Variants in NEDD8 observed in about 807,000 individuals in gnomAD.
The protein encoded by NEDD8 is NEDD8 ubiquitin like modifier, also known as ubiquitin-like protein NEDD8.
In NEDD8, 1 loss-of-function variant was observed where a neutral mutation model predicts 13.8. The ratio of observed to expected loss-of-function variants is 0.07; its 90% CI spans 0.03 to 0.34. The LOEUF (loss-of-function observed/expected upper bound fraction) is 0.34, where lower values mean the gene tolerates loss of function less well. Among genes scored for constraint, NEDD8 ranks in the 10% least tolerant of loss-of-function variants. The pLI is 0.99. For synonymous variants in NEDD8, 31 were observed against 33.2 expected (o/e 0.93, Z 0.23); for missense variants, 10 against 95.2 (o/e 0.10, Z 3.73).
At chr14:24,217,951 T>C (rs991026769) in intron 3 of NEDD8, 182 bp downstream of exon 3, 2 of 552,460 alleles carry the variant, frequency 3.6e-6, no homozygotes, top group Non-Finnish European at 6.2e-6. Context: ...TAATTCTATA[T>C]ATTTTGTTTT....
At chr14:24,225,148 G>A (rs2138896893) in intron 1 of NEDD8, among the ~76,000 whole-genome samples, 1 of 148,770 alleles carries the variant, frequency 6.7e-6, no homozygotes, top group East Asian at 2.0e-4. Context: ...CTCCAGCCTG[G>A]GTGACAGAGC....
intron 1 of NEDD8, among the ~76,000 whole-genome samples, chr14:24,219,233 G>A (rs984650341): frequency 2.0e-5 from 3 of 151,736 alleles, no homozygotes; most frequent in Non-Finnish European, 4.4e-5. Flanking sequence ...AGACTGAGGC[G>A]GGAGGATCAC....
chr14:24,231,944 C>T, intron 1 of NEDD8: 1 of 382,854 alleles, frequency 2.6e-6, no homozygotes. Flanking sequence ...GCTAGGCCTT[C>T]TCTATGACTG....
At chr14:24,232,054 G>C in intron 1 of NEDD8, 196 bp downstream of exon 1, 1 of 752,194 alleles carries the variant, frequency 1.3e-6, no homozygotes, top group South Asian at 2.0e-5. Flanking sequence ...CCCCAGGGTC[G>C]TCAGGTGGGA....
intron 1 of NEDD8, among the ~76,000 whole-genome samples, chr14:24,224,525 C>T (rs1440974727): frequency 2.0e-5 from 3 of 152,172 alleles, no homozygotes; most frequent in African/African-American, 7.2e-5. Context: ...TAATTAAAAT[C>T]AAGTACAATC....
intron 1 of NEDD8, among the ~76,000 whole-genome samples, chr14:24,219,847 G>T (rs958273518): frequency 6.6e-6 from 1 of 152,062 alleles, no homozygotes; most frequent in Non-Finnish European, 1.5e-5. Context: ...TTAAATGTAA[G>T]ATCTCCTCCT....
rs2039803405 is a variant in NEDD8 at position 24,221,257 on chromosome 14, TTC to T, written c.19-2828_19-2827del. On this transcript the variant is annotated intron_variant, in intron 1 of 3. Transcript: ENST00000250495. The stretch of plus-strand genomic sequence containing the variant: ...AAAAGACAAAATAAAAAGTTTGTAA[TTC>T]TGTGTTGTCCACAAATTATTTCACT... Among the ~76,000 whole-genome samples the T allele has an allele frequency of 2.0e-5, 3 of 152,086 alleles. No homozygotes were observed. In the South Asian group the frequency reaches 6.2e-4, roughly 32 times the overall value.
chr14:24,220,284 A>T (rs2138884982), intron 1 of NEDD8, among the ~76,000 whole-genome samples: 1 of 152,344 alleles, frequency 6.6e-6, no homozygotes, highest in East Asian at 1.9e-4. Context: ...TGATGATCAT[A>T]TTATAATCAC....
intron 1 of NEDD8, among the ~76,000 whole-genome samples, chr14:24,224,707 A>ATGACT (rs1437184035): frequency 6.6e-6 from 1 of 152,236 alleles, no homozygotes; most frequent in Non-Finnish European, 1.5e-5. Context: ...TATCTAGGAA[A>ATGACT]TGACTAACAT....
At chr14:24,222,398 C>T (rs369380383) in intron 1 of NEDD8, among the ~76,000 whole-genome samples, 28 of 152,200 alleles carry the variant, frequency 1.8e-4, no homozygotes, top group African/African-American at 6.5e-4. Context: ...CTCCAAAAAG[C>T]TTGGAAGGGT....
chr14:24,229,289 G>C (rs1356111255), intron 1 of NEDD8, among the ~76,000 whole-genome samples: 2 of 152,188 alleles, frequency 1.3e-5, no homozygotes, highest in African/African-American at 4.8e-5. Context: ...GCACGATCTT[G>C]GCTCACTGCA....
chr14:24,225,027 C>T (rs1313696663), intron 1 of NEDD8, among the ~76,000 whole-genome samples: 4 of 151,926 alleles, frequency 2.6e-5, no homozygotes, highest in Admixed American at 6.6e-5. Flanking sequence ...GGCATGGTGG[C>T]GCATGCCTGT....
At chr14:24,218,558 C>A in intron 1 of NEDD8, 127 bp from the exon 2 acceptor site, 1 of 1,342,720 alleles carries the variant, frequency 7.4e-7, no homozygotes, top group South Asian at 1.2e-5. Flanking sequence ...AGCAGCACTG[C>A]TTTGGAGAAT....
At chr14:24,221,711 T>C (rs187153962) in intron 1 of NEDD8, among the ~76,000 whole-genome samples, 34 of 151,916 alleles carry the variant, frequency 2.2e-4, no homozygotes, top group Admixed American at 8.5e-4. Flanking sequence ...AATTCTCCTA[T>C]CTCAGCCTCC....
At chr14:24,217,811 A>G (rs769351558) in intron 3 of NEDD8, 4 of 238,040 alleles carry the variant, frequency 1.7e-5, no homozygotes, top group Non-Finnish European at 3.2e-5. Context: ...TATCTTGAAA[A>G]TATTTCAAAA....
intron 3 of NEDD8, chr14:24,217,753 CTTG>C (rs1266728435): frequency 5.4e-6 from 1 of 183,554 alleles, no homozygotes; most frequent in African/African-American, 2.4e-5. Flanking sequence ...ATATAGGTAA[CTTG>C]TTAACAATAG....
At chr14:24,218,490 G>C in intron 1 of NEDD8, 59 bp from the exon 2 acceptor site, 1 of 1,612,944 alleles carries the variant, frequency 6.2e-7, no homozygotes, top group Non-Finnish European at 8.5e-7. Flanking sequence ...TGTCTTCTAG[G>C]TAAAACATCC....
intron 2 of NEDD8, 50 bp from the exon 3 acceptor site, chr14:24,218,265 G>C: frequency 1.2e-6 from 2 of 1,613,892 alleles, no homozygotes; most frequent in Non-Finnish European, 1.7e-6. Context: ...TAGGACCATG[G>C]AAACGGAAAG....
At chr14:24,232,001 G>T in intron 1 of NEDD8, 1 of 527,092 alleles carries the variant, frequency 1.9e-6, no homozygotes, top group South Asian at 2.8e-5. Flanking sequence ...CCCCATTCTG[G>T]GTGATAGCAC....
Sources: gnomAD v4.1 joint callset for allele counts (sites outside exome capture counted in the v4.1 genomes callset) on GRCh38, gnomAD v4.1.1 for gene constraint, MANE v1.5 for transcripts, NCBI Gene and HGNC (gene_info 2026-07-23, HGNC 2026-07-21) for gene names.